SNX29: variants seen among roughly 807,000 people sequenced by gnomAD.
SNX29 encodes sorting nexin 29.
SNX29 carries 78 observed loss-of-function variants against 102.1 expected under a neutral mutation model. The ratio of observed to expected loss-of-function variants is 0.76; its 90% CI spans 0.64 to 0.92. SNX29 has a LOEUF of 0.92. Ranked by LOEUF, SNX29 falls within the 40% of genes least tolerant of loss-of-function variation. The pLI, the probability that SNX29 is intolerant of heterozygous loss-of-function variation, is 0.00. For synonymous variants in SNX29, 580 were observed against 414.5 expected, an observed-to-expected ratio of 1.40 and a Z score of -4.85; for missense variants, 1,280 against 1,061.7, an observed-to-expected ratio of 1.21 and a Z score of -2.86.
intron 19 of SNX29, among the ~76,000 whole-genome samples, chr16:12,502,091 G>T (rs565112141): frequency 4.1e-4 from 63 of 152,284 alleles, no homozygotes; most frequent in African/African-American, 1.5e-3. Context: ...CCAGGCTCAG[G>T]ACTGCCTCCG....
chr16:12,447,850 C>T (rs1450452293), intron 18 of SNX29, among the ~76,000 whole-genome samples: 1 of 152,202 alleles, frequency 6.6e-6, no homozygotes, highest in South Asian at 2.1e-4. Context: ...CCCTGCCCCT[C>T]TCAACACACA....
At chr16:12,538,268 A>C (rs894064951) in intron 20 of SNX29, among the ~76,000 whole-genome samples, 2 of 152,048 alleles carry the variant, frequency 1.3e-5, no homozygotes, top group Non-Finnish European at 2.9e-5. Flanking sequence ...GGGATCTGCC[A>C]CCACACCTGG....
At chr16:12,381,783 A>AC (rs1481115949) in intron 16 of SNX29, among the ~76,000 whole-genome samples, 5 of 82,506 alleles carry the variant, frequency 6.1e-5, no homozygotes, top group African/African-American at 2.6e-4. Flanking sequence ...CCAGCCACCC[A>AC]CCCACCCATC....
chr16:12,540,445 G>C (rs893437154), intron 20 of SNX29, among the ~76,000 whole-genome samples: 5 of 152,372 alleles, frequency 3.3e-5, no homozygotes, highest in South Asian at 2.1e-4. Context: ...GTGGAGGCCA[G>C]AAGTCCGAGA....
intron 20 of SNX29, among the ~76,000 whole-genome samples, chr16:12,544,095 G>T (rs772221194): frequency 6.6e-6 from 1 of 152,186 alleles, no homozygotes; most frequent in Non-Finnish European, 1.5e-5. Context: ...TGCAGACTTG[G>T]TTGTGGAAGG....
rs77272284 is a variant in SNX29 at position 12,563,328 on chromosome 16, G to A, written c.2319-5178G>A. ...TGCTTTGTGACTGGAGAGAGTCACC[G>A]TCGAGGAGTGGCCATTATCCTGAGC... On this transcript the variant is annotated intron_variant, in intron 20 of 20. Transcript: ENST00000566228. 8.3e-3 allele frequency among the ~76,000 whole-genome samples: 1,269 copies of A among 152,298 alleles called. 12 individuals carry two copies. Among genetic ancestry groups the A allele is most frequent in the South Asian group, 0.023 (109 of 4,820 alleles).
chr16:12,194,332 C>G (rs1596475539), intron 13 of SNX29, among the ~76,000 whole-genome samples: 1 of 152,250 alleles, frequency 6.6e-6, no homozygotes, highest in East Asian at 1.9e-4. Context: ...ACATTTGACC[C>G]TGTGTTCTGT....
intron 20 of SNX29, among the ~76,000 whole-genome samples, chr16:12,555,687 T>C (rs565826442): frequency 7.2e-5 from 11 of 152,204 alleles, no homozygotes; most frequent in Non-Finnish European, 1.5e-5. Context: ...AGAATAAGCC[T>C]TCCGATACTC....
intron 16 of SNX29, among the ~76,000 whole-genome samples, chr16:12,379,799 A>T (rs1437738534): frequency 6.6e-6 from 1 of 152,036 alleles, no homozygotes; most frequent in East Asian, 1.9e-4. Flanking sequence ...GGTTTTGGTG[A>T]TTGGCTTCCT....
intron 19 of SNX29, among the ~76,000 whole-genome samples, chr16:12,489,840 C>A (rs969084224): frequency 6.6e-6 from 1 of 152,104 alleles, no homozygotes; most frequent in Admixed American, 6.5e-5. Context: ...GCGTCTCACT[C>A]TGTCACCCAA....
intron 15 of SNX29, among the ~76,000 whole-genome samples, chr16:12,280,947 G>A (rs545757935): frequency 1.2e-4 from 18 of 152,284 alleles, no homozygotes; most frequent in African/African-American, 3.9e-4. Flanking sequence ...TCAGTCTGTC[G>A]CCTAGGCTGG....
At chr16:12,132,614 G>A (rs117346039) in intron 13 of SNX29, among the ~76,000 whole-genome samples, 311 of 152,320 alleles carry the variant, frequency 2.0e-3, no homozygotes, top group Non-Finnish European at 2.9e-3. Flanking sequence ...TGAGTGAGGC[G>A]TCTTAAGTGT....
intron 13 of SNX29, among the ~76,000 whole-genome samples, chr16:12,146,785 A>G (rs2055082965): frequency 6.6e-6 from 1 of 152,362 alleles, no homozygotes; most frequent in South Asian, 2.1e-4. Context: ...GAGAATGGAA[A>G]TGCCAAATGC....
chr16:12,257,035 T>C (rs2078594548), intron 14 of SNX29, among the ~76,000 whole-genome samples: 1 of 152,116 alleles, frequency 6.6e-6, no homozygotes, highest in East Asian at 1.9e-4. Flanking sequence ...CTGAATGAGG[T>C]GGTGGCAGGG....
rs182054441 is a variant in SNX29, at chr16:12,051,379, G to C, written c.749-468G>C. On this transcript the variant is annotated intron_variant, in intron 7 of 20. Coordinates refer to ENST00000566228, the MANE Select transcript of SNX29 (RefSeq NM_032167.5). ...GCACTACGCCAGCCAGATTCAAGAG[G>C]GTGCAGAAATAGACATCACCTCTGG... Among the ~76,000 whole-genome samples, 433 of 151,832 alleles carry C rather than the reference G, an allele frequency of 2.9e-3. 1 individual carries two copies. The highest frequency in any genetic ancestry group is 9.9e-3 in the African/African-American group (409 of 41,378).
intron 15 of SNX29, among the ~76,000 whole-genome samples, chr16:12,280,112 C>T (rs922687000): frequency 7.2e-5 from 11 of 152,168 alleles, no homozygotes; most frequent in Admixed American, 4.6e-4. Context: ...CTAGTTCATT[C>T]GTGGGCCGGG....
At chr16:12,227,672 G>C (rs1196154835) in intron 14 of SNX29, among the ~76,000 whole-genome samples, 1 of 152,056 alleles carries the variant, frequency 6.6e-6, no homozygotes, top group Non-Finnish European at 1.5e-5. Flanking sequence ...GGCTGAGACA[G>C]GCAGATCACC....
At chr16:12,415,016 C>T (rs897897543) in intron 18 of SNX29, among the ~76,000 whole-genome samples, 5 of 152,232 alleles carry the variant, frequency 3.3e-5, no homozygotes, top group African/African-American at 4.8e-5. Flanking sequence ...AGCCACTGCA[C>T]CCGGCCTGTT....
chr16:12,547,758 T>C (rs1457321771), intron 20 of SNX29, among the ~76,000 whole-genome samples: 1 of 152,204 alleles, frequency 6.6e-6, no homozygotes, highest in African/African-American at 2.4e-5. Context: ...CCTGTGAAGC[T>C]GCAGCTGCTC....
Sources: gnomAD v4.1 joint callset for allele counts (sites outside exome capture counted in the v4.1 genomes callset) on GRCh38, gnomAD v4.1.1 for gene constraint, MANE v1.5 for transcripts, NCBI Gene and HGNC (gene_info 2026-07-23, HGNC 2026-07-21) for gene names.